Variants in EFNA5 observed in about 807,000 individuals in gnomAD.
EFNA5 encodes the protein ephrin A5.
In EFNA5, 5 loss-of-function variants were observed where a neutral mutation model predicts 22.9. The observed-to-expected ratio is 0.22, with a 90% CI of 0.11 to 0.46. The LOEUF is 0.46. EFNA5 is among the 20% of genes least tolerant of loss of function. The pLI, the probability that EFNA5 is intolerant of heterozygous loss-of-function variation, is 0.99. For missense variants in EFNA5, 237 were observed against 293.3 expected (o/e 0.81, Z 1.40); for synonymous variants, 113 against 112.2 (o/e 1.01, Z -0.04).
chr5:107,567,584 T>G (rs689139), intron 1 of EFNA5, among the ~76,000 whole-genome samples: 3,289 of 152,244 alleles, frequency 0.022, 87 homozygotes, highest in African/African-American at 0.064. Flanking sequence ...CAGGTTGGGA[T>G]GTCCGAAACT....
chr5:107,618,932 T>A (rs969086697), intron 1 of EFNA5, among the ~76,000 whole-genome samples: 58 of 152,222 alleles, frequency 3.8e-4, no homozygotes, highest in Admixed American at 2.6e-4. Context: ...CTTTTTTTTT[T>A]TTATTTTGAG....
intron 1 of EFNA5, among the ~76,000 whole-genome samples, chr5:107,642,282 T>C (rs776152471): frequency 6.6e-6 from 1 of 152,164 alleles, no homozygotes; most frequent in Non-Finnish European, 1.5e-5. Flanking sequence ...ATAGTGGCTA[T>C]AGTTAATAAT....
At chr5:107,439,307 G>A (rs895260330) in intron 1 of EFNA5, among the ~76,000 whole-genome samples, 18 of 152,214 alleles carry the variant, frequency 1.2e-4, no homozygotes, top group African/African-American at 4.3e-4. Context: ...GCTAGACCTT[G>A]GTCTGGGACT....
intron 1 of EFNA5, among the ~76,000 whole-genome samples, chr5:107,625,689 A>G (rs1750127591): frequency 6.6e-6 from 1 of 152,176 alleles, no homozygotes; most frequent in African/African-American, 2.4e-5. Context: ...AATTATTCTA[A>G]ATCCCCAAAC....
chr5:107,420,845 A>T (rs2112413850), intron 2 of EFNA5, among the ~76,000 whole-genome samples: 1 of 152,312 alleles, frequency 6.6e-6, no homozygotes, highest in South Asian at 2.1e-4. Context: ...TTTGAAATAT[A>T]TAGCTTTTCA....
At chr5:107,623,648 G>C (rs1049479700) in intron 1 of EFNA5, among the ~76,000 whole-genome samples, 1 of 148,290 alleles carries the variant, frequency 6.7e-6, no homozygotes, top group African/African-American at 2.5e-5. Flanking sequence ...ATAATTTATT[G>C]TTTGTAATTT....
chr5:107,515,834 T>C (rs978392324), intron 1 of EFNA5, among the ~76,000 whole-genome samples: 2 of 152,222 alleles, frequency 1.3e-5, no homozygotes, highest in Non-Finnish European at 2.9e-5. Context: ...ATGAGATATG[T>C]TGTACACAGG....
At chr5:107,517,568 C>T (rs568882040) in intron 1 of EFNA5, among the ~76,000 whole-genome samples, 1 of 152,318 alleles carries the variant, frequency 6.6e-6, no homozygotes, top group African/African-American at 2.4e-5. Context: ...TTAGCCTCTT[C>T]TTGTGTGCCC....
At position 107,670,663 on chromosome 5, in the gene EFNA5, C is replaced by A. The variant is rs1316190926; in HGVS notation, c.-50G>T. The A allele has an allele frequency of 2.5e-6, 4 of 1,578,552 alleles. No homozygotes were observed. In the African/African-American group the frequency reaches 4.1e-5, roughly 16 times the overall value. On this transcript the variant is annotated 5_prime_UTR_variant, in exon 1 of 5. Coordinates refer to ENST00000333274, the MANE Select transcript of EFNA5 (RefSeq NM_001962.3). ...CCGACGCGCCACTCCGGGGAGAGAG[C>A]GGGGATCCGGAGGGAGGGAGGCAGG...
chr5:107,412,434 T>C (rs1256552182), intron 2 of EFNA5, among the ~76,000 whole-genome samples: 1 of 152,202 alleles, frequency 6.6e-6, no homozygotes, highest in Non-Finnish European at 1.5e-5. Context: ...ATCTGGTTGA[T>C]AATAAAACTT....
chr5:107,385,888 C>T (rs1301519179), intron 4 of EFNA5, among the ~76,000 whole-genome samples: 2 of 152,102 alleles, frequency 1.3e-5, no homozygotes, highest in Non-Finnish European at 1.5e-5. Context: ...ACTAAGACCT[C>T]GGAGAGCTCA....
chr5:107,574,064 T>G (rs896347153), intron 1 of EFNA5, among the ~76,000 whole-genome samples: 4 of 152,240 alleles, frequency 2.6e-5, no homozygotes, highest in African/African-American at 9.6e-5. Flanking sequence ...TGCAAAATAA[T>G]CTGTAAGAAA....
chr5:107,634,055 C>T (rs1014601741), intron 1 of EFNA5, among the ~76,000 whole-genome samples: 2 of 152,206 alleles, frequency 1.3e-5, no homozygotes, highest in African/African-American at 4.8e-5. Flanking sequence ...TTGATGATCT[C>T]TTTACCACAC....
chr5:107,431,854 TTTAA>T, intron 1 of EFNA5, among the ~76,000 whole-genome samples: 1 of 152,330 alleles, frequency 6.6e-6, no homozygotes, highest in Middle Eastern at 3.4e-3. Flanking sequence ...ATTTTGTAGT[TTTAA>T]TTAGTTTCAC....
At chr5:107,390,747 C>T (rs72785812) in intron 2 of EFNA5, among the ~76,000 whole-genome samples, 24,160 of 151,634 alleles carry the variant, frequency 0.16, 2,293 homozygotes, top group East Asian at 0.32. Flanking sequence ...CTATATATAA[C>T]TTCTTGTGCT....
chr5:107,459,194 G>T (rs1261777688), intron 1 of EFNA5, among the ~76,000 whole-genome samples: 1 of 152,012 alleles, frequency 6.6e-6, no homozygotes, highest in Non-Finnish European at 1.5e-5. Flanking sequence ...TGAAGTTTGA[G>T]ACCAGCCTGG....
chr5:107,567,016 TA>T (rs910392256), intron 1 of EFNA5, among the ~76,000 whole-genome samples: 1 of 152,198 alleles, frequency 6.6e-6, no homozygotes, highest in African/African-American at 2.4e-5. Context: ...ATATTTACTT[TA>T]AAAAAATCCA....
At chr5:107,584,710 T>G (rs1479917969) in intron 1 of EFNA5, among the ~76,000 whole-genome samples, 1 of 152,200 alleles carries the variant, frequency 6.6e-6, no homozygotes, top group African/African-American at 2.4e-5. Flanking sequence ...TCAACTTTTA[T>G]AGTTGCTCCT....
intron 1 of EFNA5, among the ~76,000 whole-genome samples, chr5:107,552,357 T>C (rs1288989237): frequency 3.3e-5 from 5 of 152,230 alleles, no homozygotes; most frequent in Non-Finnish European, 7.3e-5. Flanking sequence ...CTTGGCATCA[T>C]GCTCACTATG....
Sources: allele counts gnomAD v4.1 joint callset (sites outside exome capture counted in the v4.1 genomes callset), GRCh38; gene constraint gnomAD v4.1.1; transcripts MANE v1.5; gene names NCBI Gene and HGNC (gene_info 2026-07-23, HGNC 2026-07-21).